Variants in DCK observed in about 807,000 individuals in gnomAD.
DCK encodes deoxycytidine kinase.
In DCK, 23 loss-of-function variants were observed where a neutral mutation model predicts 38.3. The observed-to-expected ratio is 0.60, with a 90% confidence interval of 0.43 to 0.85. DCK has a LOEUF of 0.85. DCK is among the 40% of genes least tolerant of loss of function. The pLI, the probability that DCK is intolerant of heterozygous loss-of-function variation, is 0.00. For missense variants in DCK, 259 were observed against 304.4 expected (o/e 0.85, Z 1.11); for synonymous variants, 108 against 100.6 (o/e 1.07, Z -0.44).
At position 71,030,407 on chromosome 4, in the gene DCK, C is replaced by T. The variant is rs1399494177; in HGVS notation, c.*1029C>T. On this transcript the variant is annotated 3_prime_UTR_variant, in exon 7 of 7. Transcript: ENST00000286648. ...TGTATTTTAAAATAAGGGGAAGAGT[C>T]ATTTTCACTTTTAAACTACTATTTT... 3.3e-5 allele frequency: 5 copies of T among 152,178 alleles called. No homozygotes were observed. The East Asian group carries it at 9.7e-4, about 29-fold the overall frequency. The allele number at this position is 152,178 out of a possible 1,614,324, so 9.4% of individuals were successfully genotyped here. A position where few individuals can be genotyped will look rare whatever the true frequency, so the allele number is the denominator to read the frequency against.
chr4:71,026,767 C>G lies in DCK; in HGVS notation c.756+12C>G. On this transcript the variant is annotated intron_variant, in intron 6 of 6. Coordinates refer to ENST00000286648, the MANE Select transcript of DCK (RefSeq NM_000788.3). Reference sequence around the variant, plus strand: ...GTCTGGTTGAAAAGGTAGATTTAGACAGACTACAAACAAATATTTGTTTTT... The same window carrying G: ...GTCTGGTTGAAAAGGTAGATTTAGAGAGACTACAAACAAATATTTGTTTTT... The G allele has an allele frequency of 7.8e-7, 1 of 1,278,738 alleles. No homozygotes were observed. Among genetic ancestry groups the G allele is most frequent in the South Asian group, 1.3e-5 (1 of 79,342 alleles). 79.2% of individuals were successfully genotyped at this position (1,278,738 alleles called of 1,614,324 possible).
chr4:71,000,408 G>A (rs1739773930), intron 2 of DCK, among the ~76,000 whole-genome samples: 3 of 152,148 alleles, frequency 2.0e-5, no homozygotes, highest in Non-Finnish European at 2.9e-5. Flanking sequence ...ATACCATGCC[G>A]TTTTGGTTAC....
intron 2 of DCK, among the ~76,000 whole-genome samples, chr4:71,014,430 C>A (rs1740199142): frequency 6.6e-6 from 1 of 152,228 alleles, no homozygotes; most frequent in Admixed American, 6.5e-5. Flanking sequence ...TAAAAGACAT[C>A]TACAGAACTC....
At position 71,026,681 on chromosome 4, in the gene DCK, C is replaced by G. The variant is rs1454035821; in HGVS notation, c.682C>G (p.Leu228Val). The G allele has an allele frequency of 6.5e-7, 1 of 1,548,068 alleles. No homozygotes were observed. The highest frequency in any genetic ancestry group is 8.9e-7 in the Non-Finnish European group (1 of 1,127,608). Reference sequence around the variant, plus strand: ...TTTAAACAGAACCAACTTCGATTATCTTCAAGAGGTGCCTATCTTAACACT... The same window carrying G: ...TTTAAACAGAACCAACTTCGATTATGTTCAAGAGGTGCCTATCTTAACACT... Reference protein sequence around the residue: ...HRTLKTNFDYLQEVPILTLDV... With the variant: ...HRTLKTNFDYVQEVPILTLDV... Residue 228 changes from leucine to valine, a missense_variant, in exon 6 of 7, where the codon CTT becomes GTT. By Grantham distance (32) the Leu-to-Val change is conservative. Transcript: ENST00000286648.
At chr4:71,012,375 C>T (rs546323856) in intron 2 of DCK, among the ~76,000 whole-genome samples, 3 of 152,378 alleles carry the variant, frequency 2.0e-5, no homozygotes, top group South Asian at 2.1e-4. Context: ...GTAGAAACCT[C>T]TACGGACTTA....
chr4:71,002,211 C>T (rs2148912883), intron 2 of DCK, among the ~76,000 whole-genome samples: 1 of 152,240 alleles, frequency 6.6e-6, no homozygotes, highest in South Asian at 2.1e-4. Flanking sequence ...TTTATTTCTG[C>T]CCTAATTTCG....
At chr4:71,011,451 G>A (rs1740088808) in intron 2 of DCK, among the ~76,000 whole-genome samples, 1 of 151,806 alleles carries the variant, frequency 6.6e-6, no homozygotes, top group African/African-American at 2.4e-5. Flanking sequence ...CCGCCTCCTG[G>A]GCTCAAGTGA....
intron 2 of DCK, among the ~76,000 whole-genome samples, chr4:71,003,193 T>C (rs181369001): frequency 2.5e-4 from 38 of 152,310 alleles, no homozygotes; most frequent in Admixed American, 1.6e-3. Flanking sequence ...CTGTAAAGGA[T>C]TTTATTTCTC....
chr4:71,028,320 A>G (rs1332563593), intron 6 of DCK, among the ~76,000 whole-genome samples: 2 of 152,224 alleles, frequency 1.3e-5, no homozygotes, highest in African/African-American at 2.4e-5. Flanking sequence ...TGATAGATGC[A>G]GTGGCTCACA....
rs1038546171 is a variant in DCK, at chr4:71,030,671, C to A, written c.*1293C>A. 2 of 151,822 alleles carry A rather than the reference C, an allele frequency of 1.3e-5. No homozygotes were observed. The highest frequency in any genetic ancestry group is 4.8e-5 in the African/African-American group (2 of 41,264). The allele number at this position is 151,822 out of a possible 1,614,324, so 9.4% of individuals were successfully genotyped here. On this transcript the variant is annotated 3_prime_UTR_variant, in exon 7 of 7. Transcript: ENST00000286648. ...TTATGAACTACAGTGGAGCTACACT[C>A]ATTGAAATGTAATTTCAGTTCTAAA...
intron 5 of DCK, 75 bp from the exon 6 acceptor site, chr4:71,026,590 C>T (rs946239491): frequency 9.0e-6 from 7 of 778,300 alleles, no homozygotes; most frequent in South Asian, 1.5e-5. Context: ...CAAGGACATA[C>T]GAATGAATTT....
Position 70,993,780 on chromosome 4 carries a change from G to A in DCK, c.-56G>A. On this transcript the variant is annotated 5_prime_UTR_variant, in exon 1 of 7. Coordinates refer to ENST00000286648, the MANE Select transcript of DCK (RefSeq NM_000788.3). ...CGCGAGCTCCAGTGCGCGCACCCGT[G>A]GCCGCCTCCCAGCCCTCTTTGCCGG... 7.7e-7 allele frequency: 1 copy of A among 1,300,484 alleles called. No individual in the cohort carries two copies. Among genetic ancestry groups the A allele is most frequent in the East Asian group, 2.4e-5 (1 of 41,650 alleles). The allele number at this position is 1,300,484 out of a possible 1,614,324, so 80.6% of individuals were successfully genotyped here. A position where few individuals can be genotyped will look rare whatever the true frequency, so the allele number is the denominator to read the frequency against.
At chr4:70,999,120 T>A (rs1487453558) in intron 2 of DCK, among the ~76,000 whole-genome samples, 1 of 152,124 alleles carries the variant, frequency 6.6e-6, no homozygotes, top group Non-Finnish European at 1.5e-5. Flanking sequence ...GCTGCACCCG[T>A]CAACCCGTCA....
chr4:71,020,121 G>A (rs926243976), intron 2 of DCK, among the ~76,000 whole-genome samples: 1 of 152,100 alleles, frequency 6.6e-6, no homozygotes, highest in African/African-American at 2.4e-5. Flanking sequence ...TCTATTGATT[G>A]TCTCTTTGTT....
intron 2 of DCK, among the ~76,000 whole-genome samples, chr4:71,017,137 T>C (rs1197800213): frequency 1.3e-5 from 2 of 152,128 alleles, no homozygotes; most frequent in Non-Finnish European, 2.9e-5. Context: ...ACAGACACTT[T>C]TCAAAAGAAG....
chr4:71,029,391 C>A lies in DCK; in HGVS notation c.*13C>A. 2 of 1,600,864 alleles carry A rather than the reference C, an allele frequency of 1.2e-6. No individual in the cohort carries two copies. Among genetic ancestry groups the A allele is most frequent in the Middle Eastern group, 1.7e-4 (1 of 6,038 alleles). ...GAGTACTTTGTGATCTTGCTGAAGACTACAGGCAGCCAAATGGTTCCAGAT... is the reference window on the plus strand; with the variant it reads ...GAGTACTTTGTGATCTTGCTGAAGAATACAGGCAGCCAAATGGTTCCAGAT... On this transcript the variant is annotated 3_prime_UTR_variant, in exon 7 of 7. Transcript: ENST00000286648.
At chr4:71,005,707 G>A (rs1466139154) in intron 2 of DCK, among the ~76,000 whole-genome samples, 1 of 151,628 alleles carries the variant, frequency 6.6e-6, no homozygotes, top group Non-Finnish European at 1.5e-5. Context: ...TCTCCATGTT[G>A]GTCAGGCTGG....
intron 2 of DCK, among the ~76,000 whole-genome samples, chr4:71,003,328 T>C (rs1338491938): frequency 6.6e-6 from 1 of 152,244 alleles, no homozygotes; most frequent in African/African-American, 2.4e-5. Flanking sequence ...AGAGATCTGC[T>C]GTTAGTCTGA....
At chr4:71,016,597 T>C (rs1740268868) in intron 2 of DCK, among the ~76,000 whole-genome samples, 1 of 152,074 alleles carries the variant, frequency 6.6e-6, no homozygotes, top group South Asian at 2.1e-4. Context: ...TATAGACCAA[T>C]GGAACAGACC....
Sources: allele counts gnomAD v4.1 joint callset (sites outside exome capture counted in the v4.1 genomes callset), GRCh38; gene constraint gnomAD v4.1.1; transcripts MANE v1.5; gene names NCBI Gene and HGNC (gene_info 2026-07-23, HGNC 2026-07-21).